The following PID1 variants were observed in gnomAD, a reference collection of about 807,000 sequenced individuals.
PID1 encodes PTB-containing, cubilin and LRP1-interacting protein.
Under a neutral mutation model 19.1 loss-of-function variants are expected in PID1, and 10 were observed. That is an observed-to-expected ratio of 0.52 (90% CI 0.32 to 0.89). The LOEUF is 0.89. Among genes scored for constraint, PID1 ranks in the 40% least tolerant of loss-of-function variants. PID1 has a pLI of 0.03. For missense variants in PID1, 248 were observed against 285.3 expected, an observed-to-expected ratio of 0.87 and a Z score of 0.94; for synonymous variants, 130 against 116.0, an observed-to-expected ratio of 1.12 and a Z score of -0.78.
chr2:229,029,776 G>T (rs1319374292), intron 2 of PID1, among the ~76,000 whole-genome samples: 1 of 149,424 alleles, frequency 6.7e-6, no homozygotes, highest in East Asian at 2.0e-4. Flanking sequence ...GGAGGCAGAG[G>T]TTGCAGTGAG....
intron 1 of PID1, among the ~76,000 whole-genome samples, chr2:229,236,977 T>TACAC (rs773134027): frequency 8.3e-4 from 47 of 56,726 alleles, no homozygotes; most frequent in East Asian, 3.0e-3. Context: ...CCTTCTCCTT[T>TACAC]ACACACACAT....
chr2:229,151,514 G>T (rs1690251246), intron 2 of PID1, among the ~76,000 whole-genome samples: 3 of 151,672 alleles, frequency 2.0e-5, no homozygotes, highest in African/African-American at 7.3e-5. Context: ...ATTAACACCT[G>T]TTCTTTAATG....
chr2:229,238,798 C>T (rs892003051), intron 1 of PID1, among the ~76,000 whole-genome samples: 2 of 152,050 alleles, frequency 1.3e-5, no homozygotes, highest in Non-Finnish European at 2.9e-5. Flanking sequence ...AGCATGGGTG[C>T]TAGTATTGGT....
chr2:229,136,754 C>A (rs1689865365), intron 2 of PID1, among the ~76,000 whole-genome samples: 1 of 152,126 alleles, frequency 6.6e-6, no homozygotes, highest in Non-Finnish European at 1.5e-5. Context: ...GCTATGTCAT[C>A]CCCTGAGAAA....
intron 1 of PID1, among the ~76,000 whole-genome samples, chr2:229,199,382 A>G (rs1313961515): frequency 1.3e-5 from 2 of 152,032 alleles, no homozygotes; most frequent in African/African-American, 2.4e-5. Flanking sequence ...CACCATGGGA[A>G]GGGCTCTCTC....
chr2:229,079,825 T>C (rs763780843), intron 2 of PID1, among the ~76,000 whole-genome samples: 3 of 152,144 alleles, frequency 2.0e-5, no homozygotes, highest in Non-Finnish European at 4.4e-5. Flanking sequence ...TGTGCCCCCA[T>C]TATACTATGG....
intron 1 of PID1, among the ~76,000 whole-genome samples, chr2:229,268,407 A>G (rs997929801): frequency 3.3e-5 from 5 of 152,236 alleles, no homozygotes; most frequent in Non-Finnish European, 5.9e-5. Flanking sequence ...CCTGGGACAC[A>G]GACTTCTCAA....
rs545154967 is a variant in PID1, at chr2:229,257,320, C to T, written c.30+13694G>A. 4.6e-5 allele frequency among the ~76,000 whole-genome samples: 7 copies of T among 152,306 alleles called. No homozygotes were observed. The South Asian group carries it at 1.4e-3, about 32-fold the overall frequency. ...TGTGCCAGGGACAGTGCTAACTGCT[C>T]GTGTGACTTCCTCTAGCCTACCATT... On this transcript the variant is annotated intron_variant, in intron 1 of 2. Coordinates refer to ENST00000392055, the MANE Select transcript of PID1 (RefSeq NM_001100818.2).
intron 2 of PID1, among the ~76,000 whole-genome samples, chr2:229,144,695 T>C (rs190336149): frequency 2.0e-5 from 3 of 152,210 alleles, no homozygotes; most frequent in Admixed American, 2.0e-4. Context: ...TCTATCATAA[T>C]GGGATAAAGT....
intron 1 of PID1, among the ~76,000 whole-genome samples, chr2:229,209,351 T>C (rs1048833793): frequency 2.0e-5 from 3 of 152,302 alleles, no homozygotes; most frequent in African/African-American, 7.2e-5. Flanking sequence ...CCACCTACTT[T>C]GTAATTAGGT....
intron 2 of PID1, among the ~76,000 whole-genome samples, chr2:229,128,328 G>A (rs905719242): frequency 2.0e-5 from 3 of 152,126 alleles, no homozygotes; most frequent in African/African-American, 7.2e-5. Context: ...TCTAAATCTT[G>A]GTCCAAATAG....
intron 1 of PID1, among the ~76,000 whole-genome samples, chr2:229,195,679 A>G (rs530179668): frequency 1.2e-4 from 18 of 152,114 alleles, no homozygotes; most frequent in African/African-American, 4.3e-4. Context: ...CATATAGACA[A>G]GCATATATAC....
At chr2:229,099,042 C>A (rs1325968514) in intron 2 of PID1, among the ~76,000 whole-genome samples, 1 of 152,112 alleles carries the variant, frequency 6.6e-6, no homozygotes, top group Non-Finnish European at 1.5e-5. Flanking sequence ...TGAGGCTGCA[C>A]TGGGGAAGTT....
chr2:229,029,564 C>T (rs535241745), intron 2 of PID1, among the ~76,000 whole-genome samples: 1 of 152,078 alleles, frequency 6.6e-6, no homozygotes, highest in South Asian at 2.1e-4. Context: ...AAGTAGAGGC[C>T]GGGCGCAGTG....
At chr2:229,232,132 G>C (rs1210549338) in intron 1 of PID1, 1 of 1,455,224 alleles carries the variant, frequency 6.9e-7, no homozygotes, top group African/African-American at 1.4e-5. Flanking sequence ...ACCTCTTAAA[G>C]GTCCCTCTTG....
At chr2:229,204,333 T>C (rs1009370379) in intron 1 of PID1, among the ~76,000 whole-genome samples, 17 of 152,118 alleles carry the variant, frequency 1.1e-4, no homozygotes, top group Admixed American at 1.1e-3. Context: ...CAAAAAATGA[T>C]GATGATAATG....
At chr2:229,234,917 C>G (rs1375083985) in intron 1 of PID1, among the ~76,000 whole-genome samples, 1 of 152,182 alleles carries the variant, frequency 6.6e-6, no homozygotes, top group Non-Finnish European at 1.5e-5. Flanking sequence ...ATATTAATAG[C>G]AATTCTTACA....
chr2:229,025,864 T>C lies in PID1; in HGVS notation c.422A>G (p.Asn141Ser). The change falls in exon 3 of 3, where the codon AAC (asparagine) becomes AGC (serine). Residue 141 changes from asparagine (N) to serine (S), a missense_variant. Coordinates refer to ENST00000392055, the MANE Select transcript of PID1 (RefSeq NM_001100818.2). ...ARIAYCTADH[N>S]VSPNIFAWVY... ...CCAGGCGAAGATGTTGGGGCTCACG[T>C]TGTGGTCGGCGGTGCAGTAGGCGAT... The C allele has an allele frequency of 1.2e-6, 2 of 1,614,222 alleles. No individual in the cohort carries two copies. Among genetic ancestry groups the C allele is most frequent in the Non-Finnish European group, 1.7e-6 (2 of 1,180,028 alleles).
At chr2:229,079,463 T>A (rs748444755) in intron 2 of PID1, among the ~76,000 whole-genome samples, 3 of 152,214 alleles carry the variant, frequency 2.0e-5, no homozygotes, top group Non-Finnish European at 4.4e-5. Flanking sequence ...CTAGAAAGAT[T>A]TGAGTCTCTT....
Sources: allele counts gnomAD v4.1 joint callset (sites outside exome capture counted in the v4.1 genomes callset), GRCh38; gene constraint gnomAD v4.1.1; transcripts MANE v1.5; gene names NCBI Gene and HGNC (gene_info 2026-07-23, HGNC 2026-07-21).